The following MYBPC1 variants were observed in gnomAD, a reference collection of about 807,000 sequenced individuals.
MYBPC1 encodes the protein myosin binding protein C1.
A neutral mutation model predicts 147.1 loss-of-function variants in MYBPC1; 52 were observed. The ratio of observed to expected loss-of-function variants is 0.35; its 90% CI spans 0.28 to 0.45. The LOEUF is 0.45. Ranked by LOEUF, MYBPC1 falls within the 20% of genes least tolerant of loss-of-function variation. The probability of loss-of-function intolerance (pLI) is 1.00; values close to 1 mark genes in which losing one functional copy is unlikely to be tolerated. For synonymous variants in MYBPC1, 477 were observed against 475.9 expected (o/e 1.00, Z -0.03); for missense variants, 1,228 against 1,440.3 (o/e 0.85, Z 2.39).
rs148860912 is a variant in MYBPC1 at position 101,631,731 on chromosome 12, A to T, written c.438+12A>T. On this transcript the variant is annotated intron_variant, in intron 7 of 31. Coordinates refer to ENST00000361466, the MANE Select transcript of MYBPC1 (RefSeq NM_002465.4). ...AGAGGCACAGTCGGGTAAGGCCCTG[A>T]ACTCCCAGGACAGGCGCTCAGCTAG... 624 of 1,613,966 alleles carry T rather than the reference A, an allele frequency of 3.9e-4. 4 individuals carry two copies. The African/African-American group carries it at 7.3e-3, about 19-fold the overall frequency.
chr12:101,628,820 C>T (rs930948623), intron 5 of MYBPC1, among the ~76,000 whole-genome samples: 8 of 152,170 alleles, frequency 5.3e-5, no homozygotes, highest in African/African-American at 1.9e-4. Flanking sequence ...TTGCTTTTCC[C>T]CCTTGCAGCA....
chr12:101,675,248 G>T, intron 25 of MYBPC1, 44 bp from the exon 26 acceptor site: 1 of 1,612,154 alleles, frequency 6.2e-7, no homozygotes, highest in Non-Finnish European at 8.5e-7. Context: ...TGTAGACTGG[G>T]AAAGAAAGTG....
intron 12 of MYBPC1, among the ~76,000 whole-genome samples, chr12:101,646,337 C>A (rs573807113): frequency 2.7e-5 from 4 of 147,406 alleles, no homozygotes; most frequent in South Asian, 2.1e-4. Flanking sequence ...AGATATGATA[C>A]CTAAAGAGCA....
chr12:101,648,798 T>C (rs890256201), intron 14 of MYBPC1, among the ~76,000 whole-genome samples: 1 of 152,218 alleles, frequency 6.6e-6, no homozygotes, highest in African/African-American at 2.4e-5. Flanking sequence ...GTGAGTAATC[T>C]TAAAATTAAA....
intron 26 of MYBPC1, among the ~76,000 whole-genome samples, chr12:101,676,518 G>A (rs1340069554): frequency 6.6e-6 from 1 of 152,156 alleles, no homozygotes; most frequent in Non-Finnish European, 1.5e-5. Flanking sequence ...ACTTTGGAAG[G>A]CTGAGGCAGG....
Position 101,626,886 on chromosome 12 carries a change from TC to T in MYBPC1, c.122del (p.Pro41ArgfsTer54), listed in dbSNP as rs2135990843. 6.2e-7 allele frequency: 1 copy of T among 1,612,882 alleles called. No individual in the cohort carries two copies. Among genetic ancestry groups the T allele is most frequent in the Non-Finnish European group, 8.5e-7 (1 of 1,178,834 alleles). On this transcript the variant is annotated frameshift_variant, in exon 4 of 32. Transcript: ENST00000361466. LOFTEE classifies it high-confidence loss of function. Reference sequence around the variant, plus strand: ...TCTTGTTTCAGATGAAGAGGAAGTCTCCCCGCCTAGCGCCTTGCCTCCAGGT... The same window carrying T: ...TCTTGTTTCAGATGAAGAGGAAGTCTCCCGCCTAGCGCCTTGCCTCCAGGT... ...TTPAKDEEEV[S>X]PPSALPPGLG... is the part of the protein sequence containing the mutation.
chr12:101,687,698 G>A (rs1201080076), downstream of MYBPC1, among the ~76,000 whole-genome samples: 2 of 152,202 alleles, frequency 1.3e-5, no homozygotes, highest in African/African-American at 4.8e-5. Context: ...CAGCCCAGCT[G>A]CTGGGTCTTA....
intron 22 of MYBPC1, 21 bp from the exon 23 acceptor site, chr12:101,667,711 C>T (rs778827663): frequency 2.5e-6 from 4 of 1,613,852 alleles, no homozygotes; most frequent in Non-Finnish European, 3.4e-6. Context: ...CCTTCTTTTC[C>T]TTTTCTTTTA....
intron 15 of MYBPC1, among the ~76,000 whole-genome samples, chr12:101,650,646 T>C (rs1048855748): frequency 6.6e-6 from 1 of 152,134 alleles, no homozygotes; most frequent in African/African-American, 2.4e-5. Flanking sequence ...GAACTACAAT[T>C]CAAGATGAGA....
At chr12:101,653,380 T>C (rs969902654) in intron 18 of MYBPC1, 132 bp downstream of exon 18, 1 of 1,239,332 alleles carries the variant, frequency 8.1e-7, no homozygotes, top group Non-Finnish European at 1.1e-6. Flanking sequence ...AGTAAAGATG[T>C]AATTCCTTTG....
intron 1 of MYBPC1, among the ~76,000 whole-genome samples, chr12:101,599,764 G>A (rs1879081030): frequency 6.6e-6 from 1 of 152,176 alleles, no homozygotes; most frequent in Non-Finnish European, 1.5e-5. Context: ...TCGAGGCCAA[G>A]CTGATGATTT....
chr12:101,620,476 G>A (rs1475524008), intron 3 of MYBPC1, among the ~76,000 whole-genome samples: 1 of 152,210 alleles, frequency 6.6e-6, no homozygotes, highest in Admixed American at 6.5e-5. Flanking sequence ...TACACTTTAT[G>A]GGGAAGAACA....
downstream of MYBPC1, among the ~76,000 whole-genome samples, chr12:101,687,813 C>T (rs1951374569): frequency 2.0e-5 from 3 of 152,236 alleles, no homozygotes; most frequent in South Asian, 6.2e-4. Flanking sequence ...TATGGTTTTA[C>T]ATAGCCTAAA....
chr12:101,680,551 G>A lies in MYBPC1; in HGVS notation c.3433+22G>A, dbSNP rs201043174. 92 of 1,608,964 alleles carry A rather than the reference G, an allele frequency of 5.7e-5. No individual in the cohort carries two copies. In the African/African-American group the frequency reaches 9.1e-4, roughly 16 times the overall value. The stretch of plus-strand genomic sequence containing the variant: ...AAAGGTATGACATCCAATATCTCAC[G>A]TATAGACTAAAGTTAAAGAAAATCA... On this transcript the variant is annotated intron_variant, in intron 29 of 31. Coordinates refer to ENST00000361466, the MANE Select transcript of MYBPC1 (RefSeq NM_002465.4).
At chr12:101,692,079 C>A in the MYBPC1 span, among the ~76,000 whole-genome samples, 3 of 152,072 alleles carry the variant, frequency 2.0e-5, no homozygotes, top group African/African-American at 7.2e-5. Flanking sequence ...CAACAGGGAA[C>A]AAATGAGAGT....
At chr12:101,662,795 A>C (rs991260537) in intron 21 of MYBPC1, among the ~76,000 whole-genome samples, 1 of 152,200 alleles carries the variant, frequency 6.6e-6, no homozygotes, top group African/African-American at 2.4e-5. Context: ...GGTGGCTCTG[A>C]TTGCCATTCC....
At chr12:101,692,885 G>A in the MYBPC1 span, among the ~76,000 whole-genome samples, 1 of 151,816 alleles carries the variant, frequency 6.6e-6, no homozygotes, top group Non-Finnish European at 1.5e-5. Context: ...AGAAGCACAT[G>A]GGAAAATCAA....
chr12:101,607,261 T>C lies in MYBPC1; in HGVS notation c.26-7235T>C, dbSNP rs560021800. On this transcript the variant is annotated intron_variant, in intron 1 of 31. Coordinates refer to ENST00000361466, the MANE Select transcript of MYBPC1 (RefSeq NM_002465.4). ...GGTCCAGGTTGGAGTATGCATATTG[T>C]GTCAGACCCCACCATCAAGAGGGGA... Among the ~76,000 whole-genome samples the C allele has an allele frequency of 1.5e-4, 23 of 152,320 alleles. 1 individual carries two copies. Among genetic ancestry groups the C allele is most frequent in the South Asian group, 1.5e-3 (7 of 4,822 alleles).
chr12:101,653,291 T>C (rs372200695), intron 18 of MYBPC1, 43 bp downstream of exon 18: 3 of 1,608,054 alleles, frequency 1.9e-6, no homozygotes, highest in East Asian at 2.2e-5. Context: ...CACACACATA[T>C]GCAGACACAC....
Sources: allele counts gnomAD v4.1 joint callset (sites outside exome capture counted in the v4.1 genomes callset), GRCh38; gene constraint gnomAD v4.1.1; transcripts MANE v1.5; gene names NCBI Gene and HGNC (gene_info 2026-07-23, HGNC 2026-07-21).